The following STK31 variants were observed in gnomAD, a reference collection of about 807,000 sequenced individuals.
STK31 encodes serine/threonine kinase 31.
A neutral mutation model predicts 129.7 loss-of-function variants in STK31; 89 were observed. The ratio of observed to expected loss-of-function variants is 0.69; its 90% CI spans 0.58 to 0.82. The LOEUF (loss-of-function observed/expected upper bound fraction) is 0.82. Ranked by LOEUF, STK31 falls within the 40% of genes least tolerant of loss-of-function variation. STK31 has a pLI of 0.00. For synonymous variants in STK31, 448 were observed against 395.3 expected (o/e 1.13, Z -1.58); for missense variants, 1,187 against 1,176.4 (o/e 1.01, Z -0.13).
chr7:23,754,341 G>T lies in STK31; in HGVS notation c.1160G>T (p.Gly387Val). ...CATGTCGACATCAGTGTCCGTTTCG[G>T]AAAAGACCTTTCAGATGCTATACAA... ...MRHVDISVRFGKDLSDAIQVL... is the reference protein window; with the variant it reads ...MRHVDISVRFVKDLSDAIQVL... Residue 387 changes from glycine (G) to valine (V), a missense_variant, in exon 10 of 24, where the codon GGA (glycine) becomes GTA (valine). By Grantham distance (109) the Gly-to-Val change is moderately radical. This residue lies in a region of STK31 where 975 missense variants were observed against 934.9 expected (regional missense o/e 1.04). Transcript: ENST00000355870. 6.2e-7 allele frequency: 1 copy of T among 1,611,442 alleles called. No homozygotes were observed. Among genetic ancestry groups the T allele is most frequent in the Non-Finnish European group, 8.5e-7 (1 of 1,179,328 alleles).
At chr7:23,743,498 A>G (rs1190668602) in intron 8 of STK31, among the ~76,000 whole-genome samples, 1 of 152,118 alleles carries the variant, frequency 6.6e-6, no homozygotes, top group Non-Finnish European at 1.5e-5. Context: ...TGAGAAATTT[A>G]CAGTTAATCT....
intron 8 of STK31, among the ~76,000 whole-genome samples, chr7:23,749,533 G>GGT (rs1788566729): frequency 2.3e-5 from 3 of 129,894 alleles, no homozygotes; most frequent in African/African-American, 9.1e-5. Flanking sequence ...TTTTTTTTTG[G>GGT]GGGTAGAGAC....
At chr7:23,737,857 ATAAGTGTG>A (rs1271722968) in intron 8 of STK31, among the ~76,000 whole-genome samples, 32 of 115,320 alleles carry the variant, frequency 2.8e-4, no homozygotes, top group African/African-American at 9.2e-4. Flanking sequence ...AGTGTGGTTG[ATAAGTGTG>A]TGTGTGTGTG....
At chr7:23,727,380 A>G in intron 5 of STK31, 65 bp downstream of exon 5, 2 of 1,438,340 alleles carry the variant, frequency 1.4e-6, no homozygotes, top group Admixed American at 1.7e-5. Context: ...CAAAAATTTG[A>G]TGCTTATTTA....
At chr7:23,745,719 G>T (rs1214868350) in intron 8 of STK31, among the ~76,000 whole-genome samples, 1 of 152,212 alleles carries the variant, frequency 6.6e-6, no homozygotes, top group Non-Finnish European at 1.5e-5. Context: ...TGCTGGTGGG[G>T]TTGGGGTTCC....
chr7:23,726,498 C>T (rs1419238405), intron 4 of STK31: 1 of 147,882 alleles, frequency 6.8e-6, no homozygotes, highest in Non-Finnish European at 1.5e-5. Context: ...TGCCCATGTT[C>T]CCAGCTACCG....
At chr7:23,784,487 G>A (rs1791139539) in intron 17 of STK31, among the ~76,000 whole-genome samples, 1 of 152,074 alleles carries the variant, frequency 6.6e-6, no homozygotes, top group African/African-American at 2.4e-5. Context: ...GGGCAAATAA[G>A]TATGTACTGC....
chr7:23,754,483 G>A lies in STK31; in HGVS notation c.1293+9G>A. The stretch of plus-strand genomic sequence containing the variant: ...AAACTTGTGAATATGTGGTGAGTTG[G>A]GAATTTTTCTCTATTGTGGTTTTTA... On this transcript the variant is annotated intron_variant, in intron 10 of 23. Transcript: ENST00000355870. 2 of 1,601,766 alleles carry A rather than the reference G, an allele frequency of 1.2e-6. No individual in the cohort carries two copies. The highest frequency in any genetic ancestry group is 1.3e-5 in the African/African-American group (1 of 74,314).
At chr7:23,769,264 C>A in intron 12 of STK31, 90 bp downstream of exon 12, 3 of 1,210,696 alleles carry the variant, frequency 2.5e-6, no homozygotes, top group African/African-American at 1.6e-5. Context: ...GAGCTGACAT[C>A]ATCTACCTAC....
At chr7:23,722,105 CT>C (rs1343269807) in intron 4 of STK31, 1 of 153,800 alleles carries the variant, frequency 6.5e-6, no homozygotes, top group Non-Finnish European at 1.4e-5. Context: ...CTCCATCCAG[CT>C]TTGTTCCGTT....
chr7:23,748,371 C>T (rs529371209), intron 8 of STK31, among the ~76,000 whole-genome samples: 2 of 151,950 alleles, frequency 1.3e-5, no homozygotes, highest in Admixed American at 1.3e-4. Context: ...AATGTGGTGG[C>T]GTATTTTGGT....
intron 21 of STK31, among the ~76,000 whole-genome samples, chr7:23,789,806 A>G (rs764497491): frequency 6.6e-6 from 1 of 152,154 alleles, no homozygotes. Flanking sequence ...CTCTTTAGTC[A>G]TTCGTCATCT....
intron 18 of STK31, 66 bp from the exon 19 acceptor site, chr7:23,786,442 G>A (rs1377053604): frequency 1.4e-6 from 2 of 1,390,482 alleles, no homozygotes; most frequent in Non-Finnish European, 1.9e-6. Context: ...GTTTAAATTG[G>A]AATGATGTAT....
intron 8 of STK31, among the ~76,000 whole-genome samples, chr7:23,737,909 C>G (rs941517007): frequency 1.3e-5 from 2 of 151,450 alleles, no homozygotes; most frequent in East Asian, 1.9e-4. Flanking sequence ...GTGTTTAACA[C>G]CAAATCTGTT....
chr7:23,754,518 C>G, intron 10 of STK31, 44 bp downstream of exon 10: 2 of 1,517,778 alleles, frequency 1.3e-6, no homozygotes, highest in African/African-American at 1.5e-5. Context: ...ATCTGTTGAA[C>G]ATAAGGAAGT....
At chr7:23,710,677 C>G in intron 1 of STK31, 1 of 1,116,350 alleles carries the variant, frequency 9.0e-7, no homozygotes, top group Non-Finnish European at 1.1e-6. Flanking sequence ...CCCGTTTCTT[C>G]CAAATTTTCA....
chr7:23,809,568 C>T (rs1165680936), intron 22 of STK31, among the ~76,000 whole-genome samples: 2 of 152,110 alleles, frequency 1.3e-5, no homozygotes, highest in Non-Finnish European at 2.9e-5. Flanking sequence ...ATTGTGGAAC[C>T]TGCTAATACG....
chr7:23,769,583 C>T (rs1030200439), intron 12 of STK31, 57 bp from the exon 13 acceptor site: 41 of 1,193,694 alleles, frequency 3.4e-5, no homozygotes, highest in Middle Eastern at 1.9e-4. Flanking sequence ...TATTAAGGCA[C>T]GATGAATGCT....
chr7:23,810,660 AAAT>A (rs1200029054), intron 22 of STK31, among the ~76,000 whole-genome samples: 2 of 135,450 alleles, frequency 1.5e-5, no homozygotes, highest in Non-Finnish European at 3.1e-5. Context: ...ATATATATAA[AAAT>A]ATATAATATA....
Sources: allele counts gnomAD v4.1 joint callset (sites outside exome capture counted in the v4.1 genomes callset), GRCh38; gene constraint gnomAD v4.1.1; regional missense constraint gnomAD v4.1.1; transcripts MANE v1.5; gene names NCBI Gene and HGNC (gene_info 2026-07-23, HGNC 2026-07-21).